MED12L: variants seen among roughly 807,000 people sequenced by gnomAD.
The protein encoded by MED12L is mediator of RNA polymerase II transcription subunit 12-like protein.
Under a neutral mutation model 281.3 loss-of-function variants are expected in MED12L, and 60 were observed. The ratio of observed to expected loss-of-function variants is 0.21; its 90% confidence interval spans 0.17 to 0.26. The LOEUF is 0.26. MED12L is among the 10% of genes least tolerant of loss of function. The probability of loss-of-function intolerance (pLI) is 1.00; values close to 1 mark genes in which losing one functional copy is unlikely to be tolerated. For synonymous variants in MED12L, 974 were observed against 987.2 expected (o/e 0.99, Z 0.25); for missense variants, 2,146 against 2,680.9 (o/e 0.80, Z 4.41).
chr3:151,286,493 C>A (rs559763344), intron 16 of MED12L, among the ~76,000 whole-genome samples: 2 of 152,286 alleles, frequency 1.3e-5, no homozygotes, highest in Non-Finnish European at 2.9e-5. Context: ...GTTCTCCATG[C>A]TCTTAGGAAG....
At chr3:151,146,837 C>T (rs1399299415) in intron 5 of MED12L, among the ~76,000 whole-genome samples, 2 of 152,130 alleles carry the variant, frequency 1.3e-5, no homozygotes, top group East Asian at 3.8e-4. Context: ...TCTTTTCCTG[C>T]TCTCCAGCCA....
At chr3:151,394,556 A>G in intron 38 of MED12L, 100 bp from the exon 39 acceptor site, 1 of 1,548,338 alleles carries the variant, frequency 6.5e-7, no homozygotes, top group South Asian at 1.3e-5. Flanking sequence ...CTTTGTTCAT[A>G]AAGTGAGACT....
chr3:151,162,209 A>G (rs867232580), intron 8 of MED12L, among the ~76,000 whole-genome samples: 5 of 152,118 alleles, frequency 3.3e-5, no homozygotes, highest in African/African-American at 1.2e-4. Flanking sequence ...CTTTGGAATC[A>G]AGGACACAAG....
intron 16 of MED12L, among the ~76,000 whole-genome samples, chr3:151,205,531 G>A (rs548866121): frequency 3.3e-5 from 5 of 152,054 alleles, no homozygotes; most frequent in South Asian, 4.2e-4. Flanking sequence ...GTGCTTTTTC[G>A]GCATAGCATG....
intron 16 of MED12L, chr3:151,199,033 G>C: frequency 6.2e-7 from 1 of 1,614,148 alleles, no homozygotes; most frequent in East Asian, 2.2e-5. Context: ...TCTTGCAGCT[G>C]TGTGTCAGCT....
chr3:151,197,997 A>T (rs1724911117), intron 16 of MED12L: 1 of 153,182 alleles, frequency 6.5e-6, no homozygotes, highest in Non-Finnish European at 1.5e-5. Context: ...TGCATTTTTT[A>T]AAAGTAATCT....
chr3:151,204,912 C>T (rs1576963283), intron 16 of MED12L, among the ~76,000 whole-genome samples: 1 of 152,156 alleles, frequency 6.6e-6, no homozygotes, highest in Non-Finnish European at 1.5e-5. Flanking sequence ...TCTACCCAGA[C>T]CACAGTTTCT....
intron 43 of MED12L, among the ~76,000 whole-genome samples, chr3:151,419,528 C>T (rs959570593): frequency 6.6e-6 from 1 of 152,180 alleles, no homozygotes; most frequent in Non-Finnish European, 1.5e-5. Flanking sequence ...ATCGCACTGA[C>T]TCAAATGTTA....
chr3:151,220,519 T>C (rs2149263708), intron 16 of MED12L, among the ~76,000 whole-genome samples: 1 of 152,296 alleles, frequency 6.6e-6, no homozygotes, highest in Middle Eastern at 3.4e-3. Flanking sequence ...GCTCCCGTAA[T>C]ACCCACATGT....
intron 16 of MED12L, among the ~76,000 whole-genome samples, chr3:151,244,395 A>G (rs1040849333): frequency 8.9e-5 from 12 of 134,488 alleles, no homozygotes; most frequent in Non-Finnish European, 2.0e-4. Flanking sequence ...AATGTAAAAG[A>G]ACAGAAATTA....
At chr3:151,165,153 C>T (rs768331904) in intron 9 of MED12L, among the ~76,000 whole-genome samples, 2 of 152,118 alleles carry the variant, frequency 1.3e-5, no homozygotes, top group Admixed American at 6.5e-5. Context: ...CACCTTTCCA[C>T]GTGGTGTCCT....
intron 17 of MED12L, among the ~76,000 whole-genome samples, chr3:151,352,789 T>C (rs1254220956): frequency 6.6e-6 from 1 of 152,174 alleles, no homozygotes; most frequent in African/African-American, 2.4e-5. Context: ...ATGGTGTATC[T>C]TTTGAAAATA....
chr3:151,317,247 T>C (rs1748375569), intron 16 of MED12L, among the ~76,000 whole-genome samples: 1 of 151,484 alleles, frequency 6.6e-6, no homozygotes, highest in Non-Finnish European at 1.5e-5. Flanking sequence ...ATGAAATCTG[T>C]AGACATATTT....
chr3:151,375,913 T>C, intron 27 of MED12L, 113 bp from the exon 28 acceptor site: 1 of 587,742 alleles, frequency 1.7e-6, no homozygotes, highest in Non-Finnish European at 2.5e-6. Flanking sequence ...TTTTTTAAAT[T>C]GGAAAATTCC....
At chr3:151,261,684 G>GGTGTT (rs993160734) in intron 16 of MED12L, among the ~76,000 whole-genome samples, 1 of 91,428 alleles carries the variant, frequency 1.1e-5, no homozygotes, top group African/African-American at 5.8e-5. Context: ...AGTGGTACGT[G>GGTGTT]GTGTTTTGTT....
At chr3:151,198,356 T>TTTTTTTTTTA in intron 16 of MED12L, 1 of 1,131,176 alleles carries the variant, frequency 8.8e-7, no homozygotes, top group African/African-American at 1.5e-5. Flanking sequence ...TTTTTTTTTT[T>TTTTTTTTTTA]ATCTTTCAAA....
At chr3:151,358,161 A>G (rs1754163814) in intron 20 of MED12L, among the ~76,000 whole-genome samples, 1 of 152,132 alleles carries the variant, frequency 6.6e-6, no homozygotes, top group Non-Finnish European at 1.5e-5. Flanking sequence ...TCCTAGAATG[A>G]TATCAATTTA....
chr3:151,317,381 T>C (rs906976584), intron 16 of MED12L, among the ~76,000 whole-genome samples: 3 of 151,490 alleles, frequency 2.0e-5, no homozygotes, highest in African/African-American at 7.3e-5. Context: ...TAAAACAATT[T>C]ATTTTATTGC....
chr3:151,265,379 TA>T (rs1448825756), intron 16 of MED12L, among the ~76,000 whole-genome samples: 2 of 152,242 alleles, frequency 1.3e-5, no homozygotes, highest in African/African-American at 4.8e-5. Context: ...GAGAATTTTT[TA>T]AAAAGCAGAA....
Sources: allele counts gnomAD v4.1 joint callset (sites outside exome capture counted in the v4.1 genomes callset), GRCh38; gene constraint gnomAD v4.1.1; transcripts MANE v1.5; gene names NCBI Gene and HGNC (gene_info 2026-07-23, HGNC 2026-07-21).